The following NUP43 variants were observed in gnomAD, a reference collection of about 807,000 sequenced individuals.
NUP43 encodes the protein nucleoporin Nup43.
A neutral mutation model predicts 47.3 loss-of-function variants in NUP43; 32 were observed. That is an observed-to-expected ratio of 0.68 (90% CI 0.51 to 0.91). The LOEUF is 0.91. NUP43 is among the 40% of genes least tolerant of loss of function. The probability of loss-of-function intolerance (pLI) is 0.00; values close to 1 mark genes in which losing one functional copy is unlikely to be tolerated. For missense variants in NUP43, 444 were observed against 453.9 expected (o/e 0.98, Z 0.20); for synonymous variants, 147 against 158.4 (o/e 0.93, Z 0.54).
chr6:149,742,933 T>A (rs979807171), intron 3 of NUP43, among the ~76,000 whole-genome samples: 1 of 152,212 alleles, frequency 6.6e-6, no homozygotes, highest in Non-Finnish European at 1.5e-5. Flanking sequence ...CCTAGCACTT[T>A]GGGAGGCCAA....
rs187291730 is a variant in NUP43, at chr6:149,743,179, A to C, written c.321+459T>G. On this transcript the variant is annotated intron_variant, in intron 3 of 7. Transcript: ENST00000340413. Reference sequence around the variant, plus strand: ...TGACAGAGAGAGACTCTGTCTCAAAAAAAAAAATAAATAAATAAAATAAAA... The same window carrying C: ...TGACAGAGAGAGACTCTGTCTCAAACAAAAAAATAAATAAATAAAATAAAA... Among the ~76,000 whole-genome samples the C allele has an allele frequency of 7.3e-3, 1,107 of 151,582 alleles. 8 individuals are homozygous for C. The highest frequency in any genetic ancestry group is 0.012 in the Non-Finnish European group (794 of 67,914).
At chr6:149,735,332 C>T (rs1785267479) in intron 6 of NUP43, among the ~76,000 whole-genome samples, 1 of 152,140 alleles carries the variant, frequency 6.6e-6, no homozygotes, top group South Asian at 2.1e-4. Flanking sequence ...CCTGGAACTA[C>T]AGGCATGTGC....
At chr6:149,744,852 A>G (rs967184503) in intron 2 of NUP43, among the ~76,000 whole-genome samples, 47 of 151,536 alleles carry the variant, frequency 3.1e-4, no homozygotes, top group Non-Finnish European at 5.3e-4. Flanking sequence ...AAAAAAATGT[A>G]TCTTTCCTAG....
At chr6:149,746,615 G>C (rs1356633993), upstream of NUP43, 10 of 1,606,738 alleles carry the variant, frequency 6.2e-6, no homozygotes, top group Non-Finnish European at 7.6e-6. Context: ...TGGCTGCAGA[G>C]AGTCAATTCT....
chr6:149,736,940 T>C (rs1452735739), intron 5 of NUP43, among the ~76,000 whole-genome samples: 1 of 151,494 alleles, frequency 6.6e-6, no homozygotes, highest in Non-Finnish European at 1.5e-5. Context: ...CTAGCCACCC[T>C]GGCCTTCCAA....
chr6:149,727,767 GATT>G, intron 7 of NUP43: 1 of 983,514 alleles, frequency 1.0e-6, no homozygotes, highest in Non-Finnish European at 1.2e-6. Flanking sequence ...AACACTACTA[GATT>G]ATAAGGTTTT....
upstream of NUP43, among the ~76,000 whole-genome samples, chr6:149,748,872 C>T (rs913062176): frequency 6.7e-6 from 1 of 148,944 alleles, no homozygotes; most frequent in Admixed American, 6.7e-5. Flanking sequence ...TTCTGTCAGT[C>T]TCAGGTCTAA....
chr6:149,748,702 G>A (rs1786155307), upstream of NUP43, among the ~76,000 whole-genome samples: 1 of 151,586 alleles, frequency 6.6e-6, no homozygotes, highest in South Asian at 2.1e-4. Flanking sequence ...CCAGCTACTC[G>A]GGAGGCTGAG....
intron 2 of NUP43, among the ~76,000 whole-genome samples, chr6:149,744,608 C>T (rs138944392): frequency 7.5e-4 from 114 of 151,786 alleles, no homozygotes; most frequent in African/African-American, 2.8e-3. Flanking sequence ...GAGGCCAAGC[C>T]GGGTGGACCA....
Position 149,735,396 on chromosome 6 carries a change from C to A in NUP43, c.790+1075G>T, listed in dbSNP as rs150557961. ...TTTTGTGTAGAAAAATCTGTCAATG[C>A]GCTATGCAAAATGTTTGGCCTAGCA... On this transcript the variant is annotated intron_variant, in intron 6 of 7. Coordinates refer to ENST00000340413, the MANE Select transcript of NUP43 (RefSeq NM_198887.3). Among the ~76,000 whole-genome samples the A allele has an allele frequency of 2.4e-4, 36 of 151,956 alleles. 1 individual carries two copies. The highest frequency in any genetic ancestry group is 2.1e-3 in the Admixed American group (32 of 15,236).
At chr6:149,737,529 G>A (rs1785428633) in intron 5 of NUP43, among the ~76,000 whole-genome samples, 1 of 152,148 alleles carries the variant, frequency 6.6e-6, no homozygotes, top group African/African-American at 2.4e-5. Flanking sequence ...CTTCCAAAAT[G>A]TTGGGATTAC....
At chr6:149,746,689 A>G, upstream of NUP43, 1 of 1,532,874 alleles carries the variant, frequency 6.5e-7, no homozygotes. Flanking sequence ...CTCACAGAGC[A>G]GCTCTGAGCA....
chr6:149,746,274 G>A (rs1396737144), intron 1 of NUP43, 102 bp downstream of exon 1: 1 of 1,520,806 alleles, frequency 6.6e-7, no homozygotes, highest in Non-Finnish European at 9.0e-7. Context: ...ACCTAAAAGT[G>A]CGAGAAGAAC....
intron 1 of NUP43, 99 bp downstream of exon 1, chr6:149,746,277 A>C: frequency 6.5e-7 from 1 of 1,528,228 alleles, no homozygotes; most frequent in Non-Finnish European, 8.9e-7. Flanking sequence ...TAAAAGTGCG[A>C]GAAGAACCAG....
In NUP43 at chr6:149,736,594, C is replaced by T; in HGVS notation, c.667G>A (p.Val223Ile). ...LTGDRVPLHCVDRHPNQQHVV... is the reference protein window; with the variant it reads ...LTGDRVPLHCIDRHPNQQHVV... ...TGCTGTTGGTTGGGATGTCTATCAA[C>T]ACAGTGGAGTGGCACTCGGTCACCA... The change falls in exon 6 of 8, where the codon GTT (valine) becomes ATT (isoleucine). Residue 223 changes from valine to isoleucine, a missense_variant. Physicochemically the swap from Val to Ile is conservative, Grantham distance 29 (BLOSUM62 3). Transcript: ENST00000340413. 6.3e-7 allele frequency: 1 copy of T among 1,599,910 alleles called. No homozygotes were observed. The highest frequency in any genetic ancestry group is 1.1e-5 in the South Asian group (1 of 90,380).
chr6:149,727,430 A>C (rs1482749531), intron 7 of NUP43: 17 of 984,322 alleles, frequency 1.7e-5, no homozygotes, highest in Non-Finnish European at 2.1e-5. Flanking sequence ...CGAAGTCTTC[A>C]GGAAAAGCAG....
chr6:149,739,292 T>G (rs1020818359), intron 4 of NUP43, among the ~76,000 whole-genome samples: 5 of 151,768 alleles, frequency 3.3e-5, no homozygotes, highest in African/African-American at 1.2e-4. Context: ...GTTTTCTTTT[T>G]CTTTTTGTTT....
At chr6:149,747,450 AT>A (rs774011395), upstream of NUP43, among the ~76,000 whole-genome samples, 827 of 136,418 alleles carry the variant, frequency 6.1e-3, 1 homozygote, top group Middle Eastern at 0.011. Context: ...TGCCTGGCTA[AT>A]TTTTTTTTTT....
At chr6:149,744,921 TA>T (rs954049844) in intron 2 of NUP43, among the ~76,000 whole-genome samples, 10 of 150,190 alleles carry the variant, frequency 6.7e-5, no homozygotes, top group African/African-American at 1.5e-4. Context: ...TTATTATTAT[TA>T]TTTTTTGAGA....
Sources: gnomAD v4.1 joint callset for allele counts (sites outside exome capture counted in the v4.1 genomes callset) on GRCh38, gnomAD v4.1.1 for gene constraint, MANE v1.5 for transcripts, NCBI Gene and HGNC (gene_info 2026-07-23, HGNC 2026-07-21) for gene names.